The following TFG variants were observed in gnomAD, a reference collection of about 807,000 sequenced individuals.
TFG encodes the protein protein TFG.
Under a neutral mutation model 51.4 loss-of-function variants are expected in TFG, and 22 were observed. The ratio of observed to expected loss-of-function variants is 0.43; its 90% confidence interval spans 0.31 to 0.61. TFG has a LOEUF of 0.61. Ranked by LOEUF, TFG falls within the 20% of genes least tolerant of loss-of-function variation. TFG has a pLI of 0.12. For missense variants in TFG, 419 were observed against 487.7 expected, an observed-to-expected ratio of 0.86 and a Z score of 1.33; for synonymous variants, 187 against 165.6, an observed-to-expected ratio of 1.13 and a Z score of -0.99.
intron 6 of TFG, among the ~76,000 whole-genome samples, chr3:100,739,604 G>T (rs1251299045): frequency 6.6e-6 from 1 of 152,078 alleles, no homozygotes; most frequent in East Asian, 1.9e-4. Flanking sequence ...ATAATGAAAA[G>T]CTGAGTAGCC....
At chr3:100,723,281 G>GT (rs2095065733) in intron 3 of TFG, among the ~76,000 whole-genome samples, 1 of 152,028 alleles carries the variant, frequency 6.6e-6, no homozygotes, top group African/African-American at 2.4e-5. Context: ...TGGTGTACAT[G>GT]TAAGAGTTAT....
At chr3:100,724,627 T>G (rs1319427590) in intron 3 of TFG, among the ~76,000 whole-genome samples, 1 of 152,182 alleles carries the variant, frequency 6.6e-6, no homozygotes, top group Non-Finnish European at 1.5e-5. Context: ...AATATAACAT[T>G]AACATGAAAA....
Position 100,712,259 on chromosome 3 carries a change from G to T in TFG, c.-43-1384G>T, listed in dbSNP as rs138632976. The stretch of plus-strand genomic sequence containing the variant: ...TTAATATATAATATTCATATAATAG[G>T]ATTCATGAAAACTTTTTTGAAGTAC... On this transcript the variant is annotated intron_variant, in intron 1 of 7. Coordinates refer to ENST00000240851, the MANE Select transcript of TFG (RefSeq NM_006070.6). Among the ~76,000 whole-genome samples the T allele has an allele frequency of 2.8e-3, 429 of 152,256 alleles. 2 individuals are homozygous for T. The highest frequency in any genetic ancestry group is 1.0e-2 in the African/African-American group (415 of 41,544).
At chr3:100,723,512 T>C (rs906540093) in intron 3 of TFG, among the ~76,000 whole-genome samples, 13 of 151,954 alleles carry the variant, frequency 8.6e-5, no homozygotes, top group African/African-American at 3.1e-4. Flanking sequence ...CCAAGAGACA[T>C]AAAAGATTAT....
chr3:100,732,633 G>A lies in TFG; in HGVS notation c.541G>A (p.Val181Ile). ...AAACCAAGATGAAATCAATAAAAAT[G>A]TTATGTCAGCGTTTGGCTTAACAGA... is the stretch of plus-strand genomic sequence containing the variant. ...LKNQDEINKN[V>I]MSAFGLTDDQ... Residue 181 changes from valine (V) to isoleucine (I), a missense_variant, in exon 5 of 8, where the codon GTT becomes ATT. By Grantham distance (29) the Val-to-Ile change is conservative (BLOSUM62 3). This residue lies in a region of TFG where 391 missense variants were observed against 434.4 expected (regional missense o/e 0.90). Coordinates refer to ENST00000240851, the MANE Select transcript of TFG (RefSeq NM_006070.6). The A allele has an allele frequency of 6.2e-7, 1 of 1,611,914 alleles. No individual in the cohort carries two copies. The highest frequency in any genetic ancestry group is 2.2e-5 in the East Asian group (1 of 44,668).
At chr3:100,720,330 A>G (rs2095057325) in intron 3 of TFG, among the ~76,000 whole-genome samples, 1 of 152,202 alleles carries the variant, frequency 6.6e-6, no homozygotes, top group Non-Finnish European at 1.5e-5. Context: ...GCAGTATTAT[A>G]GTTTTAATTT....
chr3:100,713,901 T>C, intron 2 of TFG, 32 bp downstream of exon 2: 1 of 1,262,404 alleles, frequency 7.9e-7, no homozygotes. Context: ...TTTTTTAAAG[T>C]CTTTTTAAAA....
At chr3:100,718,352 A>G (rs2095051861) in intron 2 of TFG, among the ~76,000 whole-genome samples, 1 of 152,156 alleles carries the variant, frequency 6.6e-6, no homozygotes, top group South Asian at 2.1e-4. Flanking sequence ...TAGATCAGAG[A>G]GAATAAATAT....
At position 100,732,690 on chromosome 3, in the gene TFG, TC is replaced by T; in HGVS notation, c.580+20del. The T allele has an allele frequency of 6.3e-7, 1 of 1,579,792 alleles. No individual in the cohort carries two copies. The highest frequency in any genetic ancestry group is 8.6e-7 in the Non-Finnish European group (1 of 1,163,070). On this transcript the variant is annotated intron_variant, in intron 5 of 7. Coordinates refer to ENST00000240851, the MANE Select transcript of TFG (RefSeq NM_006070.6). Reference sequence around the variant, plus strand: ...GGTTTCAGGTAAGTTGGTTTCCAACTCCTTTACACCCTTCGTTTCCTTCATC... The same window carrying T: ...GGTTTCAGGTAAGTTGGTTTCCAACTCTTTACACCCTTCGTTTCCTTCATC...
chr3:100,729,117 G>GT (rs981581148), intron 4 of TFG, among the ~76,000 whole-genome samples: 1 of 152,128 alleles, frequency 6.6e-6, no homozygotes, highest in African/African-American at 2.4e-5. Context: ...TTTTTAAAGT[G>GT]TTTTTTGGGT....
In TFG at chr3:100,748,192, C is replaced by T; in HGVS notation, c.864C>T (p.Phe288=). Residue 288 remains phenylalanine, a synonymous_variant, in exon 8 of 8, where the codon TTC becomes TTT. Transcript: ENST00000240851. The stretch of plus-strand genomic sequence containing the variant: ...CTGGACCTCAACAACCTCAGCAGTT[C>T]CAGGGATATGGCCAGCAACCAACTT... ...QQTGPQQPQQ[F]QGYGQQPTSQ... is the part of the protein sequence containing the mutation. 6.2e-7 allele frequency: 1 copy of T among 1,614,050 alleles called. No homozygotes were observed. The highest frequency in any genetic ancestry group is 8.5e-7 in the Non-Finnish European group (1 of 1,179,968).
intron 4 of TFG, among the ~76,000 whole-genome samples, chr3:100,731,129 C>G (rs2095090477): frequency 6.6e-6 from 1 of 152,146 alleles, no homozygotes; most frequent in Non-Finnish European, 1.5e-5. Flanking sequence ...TCAGAAGATA[C>G]ATTTTGTATT....
intron 1 of TFG, 117 bp downstream of exon 1, chr3:100,709,838 G>A (rs575881992): frequency 7.1e-6 from 1 of 141,634 alleles, no homozygotes; most frequent in African/African-American, 2.6e-5. Flanking sequence ...GGCACTGTGG[G>A]AAGGGGCTGG....
chr3:100,732,916 C>G (rs1217153365), intron 5 of TFG, among the ~76,000 whole-genome samples: 2 of 152,096 alleles, frequency 1.3e-5, no homozygotes, highest in African/African-American at 2.4e-5. Flanking sequence ...AGCACCCTCC[C>G]CCTTAAAGAA....
intron 3 of TFG, among the ~76,000 whole-genome samples, chr3:100,721,872 C>T (rs529828992): frequency 5.3e-5 from 8 of 152,330 alleles, no homozygotes; most frequent in East Asian, 3.9e-4. Flanking sequence ...TAAAAGCAGC[C>T]GGCCGTGGTG....
chr3:100,744,110 T>TTA (rs1175066972), intron 6 of TFG: 1 of 152,146 alleles, frequency 6.6e-6, no homozygotes, highest in Non-Finnish European at 1.5e-5. Context: ...AAATCATAGG[T>TTA]AATAAGTGTC....
At chr3:100,716,588 G>A (rs1011590127) in intron 2 of TFG, among the ~76,000 whole-genome samples, 7 of 152,074 alleles carry the variant, frequency 4.6e-5, no homozygotes, top group African/African-American at 1.7e-4. Flanking sequence ...GTGTTAGTTC[G>A]ATTTATAGTT....
intron 6 of TFG, among the ~76,000 whole-genome samples, chr3:100,738,638 A>T (rs904479130): frequency 9.9e-5 from 15 of 152,192 alleles, no homozygotes; most frequent in African/African-American, 3.6e-4. Context: ...CACTGTTTAT[A>T]TGCATTTAAT....
At chr3:100,728,599 A>G in intron 3 of TFG, 113 bp from the exon 4 acceptor site, 1 of 842,086 alleles carries the variant, frequency 1.2e-6, no homozygotes, top group Non-Finnish European at 1.8e-6. Context: ...CATTACATTG[A>G]TATCTTGTTT....
Sources: allele counts gnomAD v4.1 joint callset (sites outside exome capture counted in the v4.1 genomes callset), GRCh38; gene constraint gnomAD v4.1.1; regional missense constraint gnomAD v4.1.1; transcripts MANE v1.5; gene names NCBI Gene and HGNC (gene_info 2026-07-23, HGNC 2026-07-21).